The following MTCL1 variants were observed in gnomAD, a reference collection of about 807,000 sequenced individuals.
MTCL1 encodes the protein microtubule crosslinking factor 1, also known as microtubule cross-linking factor 1.
A neutral mutation model predicts 141.4 loss-of-function variants in MTCL1; 79 were observed. That is an observed-to-expected ratio of 0.56 (90% CI 0.47 to 0.67). The LOEUF (loss-of-function observed/expected upper bound fraction) is 0.67, where lower values mean the gene tolerates loss of function less well. Ranked by LOEUF, MTCL1 falls within the 30% of genes least tolerant of loss-of-function variation. MTCL1 has a pLI of 0.00. For synonymous variants in MTCL1, 914 were observed against 875.8 expected (o/e 1.04, Z -0.77); for missense variants, 2,177 against 2,113.9 (o/e 1.03, Z -0.59).
chr18:8,717,106 AG>A (rs2096133534), upstream of MTCL1, among the ~76,000 whole-genome samples: 1 of 152,046 alleles, frequency 6.6e-6, no homozygotes, highest in Non-Finnish European at 1.5e-5. Flanking sequence ...ATATTTATTG[AG>A]GACCTACCGT....
exon 1 of MTCL1, chr18:8,706,406 C>G: frequency 8.1e-7 from 1 of 1,228,216 alleles, no homozygotes; most frequent in East Asian, 3.2e-5. Context: ...CCACGAGGAG[C>G]GCCGACGCCG....
intron 7 of MTCL1, 75 bp downstream of exon 6, chr18:8,786,166 C>A: frequency 7.2e-7 from 1 of 1,380,888 alleles, no homozygotes; most frequent in Non-Finnish European, 9.7e-7. Flanking sequence ...GTGACGTTTT[C>A]TGTCCCGGAC....
At chr18:8,824,775 C>G in exon 15 of MTCL1, 1 of 1,614,154 alleles carries the variant, frequency 6.2e-7, no homozygotes, top group Non-Finnish European at 8.5e-7. Context: ...GAAGGGCCTG[C>G]CGTCCACCAG....
chr18:8,786,414 G>C (rs754818196), intron 7 of MTCL1: 5 of 554,558 alleles, frequency 9.0e-6, no homozygotes, highest in Middle Eastern at 3.1e-4. Flanking sequence ...TCCAGTCGCA[G>C]AGAAAGAAGG....
In MTCL1 at chr18:8,784,853, C is replaced by G; in HGVS notation, c.1731+10C>G. The G allele has an allele frequency of 1.9e-6, 3 of 1,565,106 alleles. No individual in the cohort carries two copies. The highest frequency in any genetic ancestry group is 2.6e-6 in the Non-Finnish European group (3 of 1,154,452). On this transcript the variant is annotated intron_variant, in intron 6 of 16. Transcript: ENST00000359865. The stretch of plus-strand genomic sequence containing the variant: ...GGGCCCAGACTTGCAGGTAAGGGGG[C>G]TCGTGGCTTCGCCTCCCTGCTCCGC...
At chr18:8,717,909 C>T (rs2148799451) in exon 2 of MTCL1, 3 of 992,434 alleles carry the variant, frequency 3.0e-6, no homozygotes, top group South Asian at 9.2e-5. Context: ...GATAGCGTCG[C>T]TTAGTCAATG....
chr18:8,709,131 G>A (rs1371965138), intron 1 of MTCL1, among the ~76,000 whole-genome samples: 2 of 152,198 alleles, frequency 1.3e-5, no homozygotes, highest in Non-Finnish European at 2.9e-5. Flanking sequence ...GTGGTGGTTA[G>A]CGTGTGCCCT....
In MTCL1 at chr18:8,767,027, T is replaced by C. The variant is rs907750994; in HGVS notation, c.358-10806T>C. On this transcript the variant is annotated intron_variant, in intron 4 of 16. Coordinates refer to ENST00000359865, the Ensembl canonical transcript of MTCL1. ...GTAGGAGCAGGTTGCATCCTGTGCC[T>C]CTCCCTGCAGCTTTCACTGCTCTTG... 2.6e-5 allele frequency among the ~76,000 whole-genome samples: 4 copies of C among 152,176 alleles called. No individual in the cohort carries two copies. In the East Asian group the frequency reaches 5.8e-4, roughly 22 times the overall value.
At chr18:8,738,010 A>G (rs939551090) in intron 4 of MTCL1, among the ~76,000 whole-genome samples, 10 of 152,152 alleles carry the variant, frequency 6.6e-5, no homozygotes, top group African/African-American at 9.7e-5. Context: ...TTCTCCTTCA[A>G]TAGTATTTAA....
chr18:8,767,102 G>A (rs1055898118), intron 4 of MTCL1, among the ~76,000 whole-genome samples: 5 of 152,204 alleles, frequency 3.3e-5, no homozygotes, highest in Non-Finnish European at 7.3e-5. Flanking sequence ...GGCTGATGGA[G>A]GAGGGAGGGT....
intron 7 of MTCL1, among the ~76,000 whole-genome samples, chr18:8,787,547 A>G (rs2075561374): frequency 6.6e-6 from 1 of 152,258 alleles, no homozygotes; most frequent in African/African-American, 2.4e-5. Flanking sequence ...TCTAACGACT[A>G]ATTGTACAGC....
chr18:8,825,381 G>C (rs1263309919), exon 15 of MTCL1: 2 of 1,538,644 alleles, frequency 1.3e-6, no homozygotes, highest in South Asian at 1.3e-5. Context: ...GGCCTTCTCT[G>C]TCAGGAATGC....
chr18:8,811,060 T>C (rs905176565), intron 11 of MTCL1: 4 of 151,918 alleles, frequency 2.6e-5, no homozygotes, highest in Non-Finnish European at 5.9e-5. Context: ...TCTTAGTCCG[T>C]TTACTGTTGC....
intron 4 of MTCL1, among the ~76,000 whole-genome samples, chr18:8,730,227 C>G (rs184368530): frequency 1.3e-5 from 2 of 152,148 alleles, no homozygotes; most frequent in East Asian, 1.9e-4. Context: ...GTGCGGAGTC[C>G]GTGCCAGCCA....
intron 4 of MTCL1, among the ~76,000 whole-genome samples, chr18:8,748,034 C>A (rs1306994654): frequency 6.6e-6 from 1 of 152,150 alleles, no homozygotes; most frequent in Non-Finnish European, 1.5e-5. Context: ...TGCCCCTGGT[C>A]TTCCGTCCCC....
rs200309875 is a variant in MTCL1, at chr18:8,786,032, C to T, written c.1828C>T (p.Arg610Cys). Reference sequence around the variant, plus strand: ...CCGAGCCGCGCGGGAGCTGCACCGCCGCGCAGACGGGGACACCGGGAGCCA... The same window carrying T: ...CCGAGCCGCGCGGGAGCTGCACCGCTGCGCAGACGGGGACACCGGGAGCCA... Residue 610 changes from arginine to cysteine, a missense_variant, in exon 7 of 17, where the codon CGC becomes TGC. Transcript: ENST00000359865. 4.8e-5 allele frequency: 77 copies of T among 1,606,326 alleles called. No homozygotes were observed. The highest frequency in any genetic ancestry group is 4.2e-4 in the South Asian group (38 of 90,552).
At chr18:8,770,415 T>C (rs543912230) in intron 4 of MTCL1, among the ~76,000 whole-genome samples, 2 of 152,302 alleles carry the variant, frequency 1.3e-5, no homozygotes, top group East Asian at 3.9e-4. Context: ...CAGGGTTGAG[T>C]TGGGTTCTGG....
At chr18:8,727,667 A>G (rs2096224605) in intron 4 of MTCL1, among the ~76,000 whole-genome samples, 1 of 152,012 alleles carries the variant, frequency 6.6e-6, no homozygotes, top group Admixed American at 6.6e-5. Flanking sequence ...TCATTTTTCT[A>G]TGTCATTATG....
At chr18:8,784,434 C>T (rs1182722916) in exon 6 of MTCL1, 1 of 1,531,410 alleles carries the variant, frequency 6.5e-7, no homozygotes, top group South Asian at 1.3e-5. Flanking sequence ...GAGCCATGCC[C>T]CACGGAGCTC....
Sources: gnomAD v4.1 joint callset for allele counts (sites outside exome capture counted in the v4.1 genomes callset) on GRCh38, gnomAD v4.1.1 for gene constraint, MANE v1.5 for transcripts, NCBI Gene and HGNC (gene_info 2026-07-23, HGNC 2026-07-21) for gene names.